The following GABRA4 variants were observed in gnomAD, a reference collection of about 807,000 sequenced individuals.
GABRA4 encodes gamma-aminobutyric acid type A receptor subunit alpha4.
Under a neutral mutation model 49.7 loss-of-function variants are expected in GABRA4, and 12 were observed. The ratio of observed to expected loss-of-function variants is 0.24; its 90% CI spans 0.15 to 0.39. The LOEUF (loss-of-function observed/expected upper bound fraction) is 0.39. Ranked by LOEUF, GABRA4 falls within the 10% of genes least tolerant of loss-of-function variation. The pLI, the probability that GABRA4 is intolerant of heterozygous loss-of-function variation, is 1.00. For missense variants in GABRA4, 506 were observed against 686.0 expected (o/e 0.74, Z 2.93); for synonymous variants, 288 against 240.2 (o/e 1.20, Z -1.84).
rs1312234579 is a variant in GABRA4, at chr4:46,922,165, G to A, written c.*6060C>T. 2.0e-5 allele frequency: 3 copies of A among 152,082 alleles called. No individual in the cohort carries two copies. Among genetic ancestry groups the A allele is most frequent in the Admixed American group, 2.0e-4 (3 of 15,248 alleles). The allele number at this position is 152,082 out of a possible 1,614,324, so 9.4% of individuals were successfully genotyped here. ...GAATACTAAGGCTAATGTGGGGAAGGGGGTGGGACTACAAGCAATAATCAC... is the reference window on the plus strand; with the variant it reads ...GAATACTAAGGCTAATGTGGGGAAGAGGGTGGGACTACAAGCAATAATCAC... On this transcript the variant is annotated 3_prime_UTR_variant, in exon 9 of 9. Transcript: ENST00000264318.
chr4:46,985,582 T>C (rs937052958), intron 2 of GABRA4, among the ~76,000 whole-genome samples: 2 of 152,034 alleles, frequency 1.3e-5, no homozygotes, highest in African/African-American at 4.8e-5. Context: ...TGTTTAATGA[T>C]ATATACAAAT....
At position 46,920,583 on chromosome 4, in the gene GABRA4, T is replaced by C. The variant is rs1480872165; in HGVS notation, c.*7642A>G. ...TGCAAAATTCAAGGGAGAATTTTTA[T>C]CAAATTGTGTAAATCCACATTATCT... On this transcript the variant is annotated 3_prime_UTR_variant, in exon 9 of 9. Coordinates refer to ENST00000264318, the MANE Select transcript of GABRA4 (RefSeq NM_000809.4). 1 of 151,746 alleles carries C rather than the reference T, an allele frequency of 6.6e-6. No homozygotes were observed. The highest frequency in any genetic ancestry group is 2.4e-5 in the African/African-American group (1 of 41,422). 9.4% of individuals were successfully genotyped at this position (151,746 alleles called of 1,614,324 possible). A position where few individuals can be genotyped will look rare whatever the true frequency, so the allele number is the denominator to read the frequency against.
At chr4:46,944,122 G>A (rs1049096449) in intron 8 of GABRA4, among the ~76,000 whole-genome samples, 13 of 152,064 alleles carry the variant, frequency 8.5e-5, no homozygotes, top group African/African-American at 2.2e-4. Context: ...GAAAGTAAAC[G>A]TTAAATATTC....
intron 8 of GABRA4, among the ~76,000 whole-genome samples, chr4:46,940,360 A>G (rs1721748461): frequency 6.6e-6 from 1 of 152,140 alleles, no homozygotes; most frequent in Non-Finnish European, 1.5e-5. Context: ...CTTGTTTCTG[A>G]TTTGAGAATG....
intron 2 of GABRA4, among the ~76,000 whole-genome samples, chr4:46,991,299 T>TCATC (rs1259460853): frequency 6.6e-6 from 1 of 152,194 alleles, no homozygotes; most frequent in Non-Finnish European, 1.5e-5. Flanking sequence ...CCTGATCTCA[T>TCATC]CCTATCATTG....
intron 8 of GABRA4, among the ~76,000 whole-genome samples, chr4:46,959,834 A>ATGTG (rs1553904345): frequency 6.8e-4 from 95 of 140,284 alleles, no homozygotes; most frequent in Middle Eastern, 7.1e-3. Context: ...ATATATATAT[A>ATGTG]TGTGTGTGTG....
chr4:46,980,260 T>C (rs1257051799), intron 2 of GABRA4, among the ~76,000 whole-genome samples: 1 of 151,906 alleles, frequency 6.6e-6, no homozygotes, highest in Admixed American at 6.6e-5. Context: ...AACAATGGTT[T>C]ATAGTACTGT....
chr4:46,926,555 AACT>A lies in GABRA4; in HGVS notation c.*1667_*1669del, dbSNP rs1292932858. 2.0e-5 allele frequency: 3 copies of A among 151,968 alleles called. No homozygotes were observed. The highest frequency in any genetic ancestry group is 4.4e-5 in the Non-Finnish European group (3 of 67,878). The allele number at this position is 151,968 out of a possible 1,614,324, so 9.4% of individuals were successfully genotyped here. On this transcript the variant is annotated 3_prime_UTR_variant, in exon 9 of 9. Transcript: ENST00000264318. ...AATATCTGAAAAATCGATGCCAATT[AACT>A]ACTATCACTTCTTTTCTATAAAAAC...
chr4:46,939,418 T>A lies in GABRA4; in HGVS notation c.1135-10663A>T, dbSNP rs549040614. On this transcript the variant is annotated intron_variant, in intron 8 of 8. Transcript: ENST00000264318. ...GGTTTTCACAAATAACCTCACATAG[T>A]TCCTACAACAACCCATGAGATAGTA... Among the ~76,000 whole-genome samples the A allele has an allele frequency of 9.2e-5, 14 of 152,096 alleles. No homozygotes were observed. The South Asian group carries it at 2.7e-3, about 29-fold the overall frequency.
rs1416306068 is a variant in GABRA4 at position 46,927,311 on chromosome 4, G to C, written c.*914C>G. 1 of 152,440 alleles carries C rather than the reference G, an allele frequency of 6.6e-6. No individual in the cohort carries two copies. Among genetic ancestry groups the C allele is most frequent in the Admixed American group, 6.6e-5 (1 of 15,218 alleles). The allele number at this position is 152,440 out of a possible 1,614,324, so 9.4% of individuals were successfully genotyped here. On this transcript the variant is annotated 3_prime_UTR_variant, in exon 9 of 9. Transcript: ENST00000264318. Reference sequence around the variant, plus strand: ...CAAATATATTTGTTATCCACTATCAGTAGAGGCTGAAAAATATTTTGAATA... The same window carrying C: ...CAAATATATTTGTTATCCACTATCACTAGAGGCTGAAAAATATTTTGAATA...
intron 8 of GABRA4, among the ~76,000 whole-genome samples, chr4:46,931,100 A>T (rs1273162381): frequency 6.6e-6 from 1 of 152,182 alleles, no homozygotes; most frequent in East Asian, 1.9e-4. Flanking sequence ...GAGAGTCCCC[A>T]TTGAGTATTT....
At chr4:46,951,733 T>C (rs529475502) in intron 8 of GABRA4, among the ~76,000 whole-genome samples, 1 of 151,792 alleles carries the variant, frequency 6.6e-6, no homozygotes, top group Non-Finnish European at 1.5e-5. Flanking sequence ...ATTTGTTATA[T>C]ATATATATGT....
chr4:46,972,065 C>T (rs931666525), intron 6 of GABRA4, among the ~76,000 whole-genome samples: 1 of 151,584 alleles, frequency 6.6e-6, no homozygotes. Context: ...ACCTCACATC[C>T]TACCAGATGT....
intron 8 of GABRA4, among the ~76,000 whole-genome samples, chr4:46,956,049 G>A (rs1722349662): frequency 6.6e-6 from 1 of 152,022 alleles, no homozygotes; most frequent in African/African-American, 2.4e-5. Flanking sequence ...CATAAAAAAT[G>A]GCTGGAGATG....
At chr4:46,942,317 G>A (rs756872461) in intron 8 of GABRA4, among the ~76,000 whole-genome samples, 14 of 151,966 alleles carry the variant, frequency 9.2e-5, no homozygotes, top group Non-Finnish European at 1.5e-4. Context: ...CCACTTCTTC[G>A]TCTGTCACTC....
At chr4:46,959,630 A>G (rs745499728) in intron 8 of GABRA4, among the ~76,000 whole-genome samples, 6 of 151,622 alleles carry the variant, frequency 4.0e-5, no homozygotes, top group Non-Finnish European at 7.4e-5. Context: ...CAGGGAGCCC[A>G]TGGAAGATTA....
intron 2 of GABRA4, 46 bp downstream of exon 2, chr4:46,992,782 G>A: frequency 7.5e-7 from 1 of 1,334,508 alleles, no homozygotes. Context: ...GGAAGACCAA[G>A]AGAGGGACAG....
chr4:46,949,314 T>G (rs1036939874), intron 8 of GABRA4, among the ~76,000 whole-genome samples: 1 of 152,148 alleles, frequency 6.6e-6, no homozygotes, highest in Non-Finnish European at 1.5e-5. Flanking sequence ...ATATCTAGAT[T>G]ACTATTTGGA....
At chr4:46,934,238 T>C (rs1721533657) in intron 8 of GABRA4, among the ~76,000 whole-genome samples, 1 of 152,126 alleles carries the variant, frequency 6.6e-6, no homozygotes, top group Non-Finnish European at 1.5e-5. Context: ...AAGAATCTAG[T>C]AATATAAAGA....
Sources: allele counts gnomAD v4.1 joint callset (sites outside exome capture counted in the v4.1 genomes callset), GRCh38; gene constraint gnomAD v4.1.1; transcripts MANE v1.5; gene names NCBI Gene and HGNC (gene_info 2026-07-23, HGNC 2026-07-21).